The following DOCK1 variants were observed in gnomAD, a reference collection of about 807,000 sequenced individuals.
DOCK1 encodes the protein dedicator of cytokinesis protein 1.
A neutral mutation model predicts 262.7 loss-of-function variants in DOCK1; 138 were observed. The ratio of observed to expected loss-of-function variants is 0.53; its 90% CI spans 0.46 to 0.61. The LOEUF (loss-of-function observed/expected upper bound fraction) is 0.61, where lower values mean the gene tolerates loss of function less well. DOCK1 is among the 20% of genes least tolerant of loss of function. The pLI is 0.00. For missense variants in DOCK1, 1,908 were observed against 2,370.7 expected, an observed-to-expected ratio of 0.80 and a Z score of 4.05; for synonymous variants, 866 against 867.4, an observed-to-expected ratio of 1.00 and a Z score of 0.03.
Position 127,366,410 on chromosome 10 carries a change from C to T in DOCK1, c.3432+4198C>T, listed in dbSNP as rs544591045. 6.8e-4 allele frequency among the ~76,000 whole-genome samples: 104 copies of T among 152,148 alleles called. 3 individuals carry two copies. The South Asian group carries it at 0.02, about 30-fold the overall frequency. On this transcript the variant is annotated intron_variant, in intron 33 of 51. Transcript: ENST00000623213. ...TCCTTGTCACTGGGTTTTCCGGCTG[C>T]GGGTCATGCTGGACTGGCCTTTGCT...
chr10:127,423,577 C>T (rs1181585076), intron 46 of DOCK1, among the ~76,000 whole-genome samples: 1 of 152,192 alleles, frequency 6.6e-6, no homozygotes, highest in Non-Finnish European at 1.5e-5. Context: ...TGGAGCATCC[C>T]TGCCGAGTAT....
In DOCK1 at chr10:127,091,348, T is replaced by G. The variant is rs148510785; in HGVS notation, c.2446-14883T>G. 1.2e-3 allele frequency among the ~76,000 whole-genome samples: 178 copies of G among 152,306 alleles called. 2 individuals are homozygous for G. Among genetic ancestry groups the G allele is most frequent in the East Asian group, 6.6e-3 (34 of 5,174 alleles). On this transcript the variant is annotated intron_variant, in intron 23 of 51. Transcript: ENST00000623213. ...GTGAAACTGCTGGGTCTGTTTCTGTTGAGTTGACTGAAGAAAGGATATTCG... is the reference window on the plus strand; with the variant it reads ...GTGAAACTGCTGGGTCTGTTTCTGTGGAGTTGACTGAAGAAAGGATATTCG...
chr10:127,006,576 G>A (rs1361001368), intron 10 of DOCK1, among the ~76,000 whole-genome samples: 2 of 152,228 alleles, frequency 1.3e-5, no homozygotes, highest in South Asian at 2.1e-4. Flanking sequence ...GTGTGCGGAA[G>A]AGCAGTCAGG....
chr10:127,303,905 G>A (rs879341920), intron 29 of DOCK1, among the ~76,000 whole-genome samples: 5 of 152,166 alleles, frequency 3.3e-5, no homozygotes, highest in Non-Finnish European at 2.9e-5. Context: ...ATGTAATCGC[G>A]ATGTGTAAAA....
chr10:126,950,415 G>C (rs1187296953), intron 1 of DOCK1, among the ~76,000 whole-genome samples: 1 of 151,966 alleles, frequency 6.6e-6, no homozygotes, highest in African/African-American at 2.4e-5. Flanking sequence ...ACATGTAAAG[G>C]CTCTCTCTCC....
chr10:127,236,349 C>T (rs1037346624), intron 27 of DOCK1, among the ~76,000 whole-genome samples: 1 of 123,578 alleles, frequency 8.1e-6, no homozygotes, highest in Non-Finnish European at 1.6e-5. Context: ...TCCCCTCCTT[C>T]CCTCTCTCCT....
chr10:127,430,608 C>T (rs1381003377), intron 47 of DOCK1, among the ~76,000 whole-genome samples: 1 of 150,212 alleles, frequency 6.7e-6, no homozygotes, highest in Non-Finnish European at 1.5e-5. Flanking sequence ...CCCCACCCCC[C>T]AGCCCCTCCT....
At chr10:127,178,006 C>G (rs1005537685) in intron 27 of DOCK1, among the ~76,000 whole-genome samples, 1 of 152,180 alleles carries the variant, frequency 6.6e-6, no homozygotes, top group Non-Finnish European at 1.5e-5. Flanking sequence ...AGCTGTCCAA[C>G]AGACAGAGGC....
intron 1 of DOCK1, among the ~76,000 whole-genome samples, chr10:126,967,732 G>T (rs1041729982): frequency 6.6e-6 from 1 of 152,022 alleles, no homozygotes; most frequent in Non-Finnish European, 1.5e-5. Context: ...TGACCCTCCC[G>T]TCTTCCTCTT....
intron 44 of DOCK1, 48 bp downstream of exon 44, chr10:127,415,286 T>G: frequency 6.4e-7 from 1 of 1,571,674 alleles, no homozygotes; most frequent in East Asian, 2.3e-5. Flanking sequence ...CCTTCCTCAA[T>G]ACAGTCTGCC....
intron 49 of DOCK1, among the ~76,000 whole-genome samples, chr10:127,443,543 G>A (rs78306873): frequency 7.2e-4 from 109 of 152,212 alleles, no homozygotes; most frequent in Non-Finnish European, 1.3e-3. Context: ...TTCCTGCCCA[G>A]GTTTGTGGGG....
intron 25 of DOCK1, among the ~76,000 whole-genome samples, chr10:127,117,261 G>C (rs756677299): frequency 6.6e-5 from 10 of 152,178 alleles, no homozygotes; most frequent in African/African-American, 9.7e-5. Context: ...AATTGGAAAA[G>C]AGTGATTATC....
chr10:126,960,745 T>TACAC (rs1168329136), intron 1 of DOCK1, among the ~76,000 whole-genome samples: 27 of 115,498 alleles, frequency 2.3e-4, no homozygotes, highest in South Asian at 4.9e-4. Context: ...TATATATATA[T>TACAC]ACACACACAC....
chr10:127,096,246 C>T (rs963222883), intron 23 of DOCK1, among the ~76,000 whole-genome samples: 13 of 152,144 alleles, frequency 8.5e-5, no homozygotes, highest in African/African-American at 3.1e-4. Context: ...CAGCCGCCTC[C>T]GACCATCACG....
At chr10:127,135,233 C>T (rs757648807) in intron 27 of DOCK1, among the ~76,000 whole-genome samples, 2 of 152,228 alleles carry the variant, frequency 1.3e-5, no homozygotes, top group African/African-American at 4.8e-5. Context: ...GGTGGGCAAG[C>T]GTCAGTCCCT....
chr10:127,282,344 G>A (rs145358726), intron 29 of DOCK1, among the ~76,000 whole-genome samples: 168 of 152,240 alleles, frequency 1.1e-3, no homozygotes, highest in African/African-American at 3.5e-3. Flanking sequence ...GGGGAGAAAC[G>A]TGTGCTGGAT....
intron 1 of DOCK1, among the ~76,000 whole-genome samples, chr10:126,930,126 T>G (rs1271260994): frequency 6.6e-6 from 1 of 152,226 alleles, no homozygotes; most frequent in Non-Finnish European, 1.5e-5. Flanking sequence ...TGGCATGGAT[T>G]GCTGCTTCAT....
intron 1 of DOCK1, among the ~76,000 whole-genome samples, chr10:126,948,510 G>T (rs1488017817): frequency 2.6e-5 from 4 of 151,870 alleles, no homozygotes; most frequent in African/African-American, 4.8e-5. Flanking sequence ...ATACTGTCCA[G>T]CCGGGCCTTT....
chr10:126,991,154 C>T (rs2039755360), intron 6 of DOCK1, among the ~76,000 whole-genome samples: 1 of 152,184 alleles, frequency 6.6e-6, no homozygotes, highest in Non-Finnish European at 1.5e-5. Context: ...AGCAAGAGTT[C>T]TTCCCATCCA....
Sources: gnomAD v4.1 joint callset for allele counts (sites outside exome capture counted in the v4.1 genomes callset) on GRCh38, gnomAD v4.1.1 for gene constraint, MANE v1.5 for transcripts, NCBI Gene and HGNC (gene_info 2026-07-23, HGNC 2026-07-21) for gene names.